The following DIAPH2 variants were observed in gnomAD, a reference collection of about 807,000 sequenced individuals.
DIAPH2 encodes the protein diaphanous related formin 2.
A neutral mutation model predicts 92.7 loss-of-function variants in DIAPH2; 35 were observed. That is an observed-to-expected ratio of 0.38 (90% CI 0.29 to 0.50). DIAPH2 has a LOEUF of 0.50. Among genes scored for constraint, DIAPH2 ranks in the 20% least tolerant of loss-of-function variants. The probability of loss-of-function intolerance (pLI) is 0.94; values close to 1 mark genes in which losing one functional copy is unlikely to be tolerated. For missense variants in DIAPH2, 701 were observed against 819.5 expected, an observed-to-expected ratio of 0.86 and a Z score of 1.77; for synonymous variants, 301 against 280.4, an observed-to-expected ratio of 1.07 and a Z score of -0.73.
Position 96,827,540 on chromosome X carries a change from AT to A in DIAPH2, c.448-54037del, listed in dbSNP as rs2064823564. ...TACTTTTCAAAGGATAGCAAAACCA[AT>A]TGTGTTACAGGGACAAACCTTACTT... On this transcript the variant is annotated intron_variant, in intron 4 of 26. Transcript: ENST00000324765. 2.7e-5 allele frequency among the ~76,000 whole-genome samples: 3 copies of A among 112,115 alleles called. No individual in the cohort carries two copies. The South Asian group carries it at 1.1e-3, about 42-fold the overall frequency.
At chrX:96,720,678 C>T (rs759012011) in intron 1 of DIAPH2, among the ~76,000 whole-genome samples, 11 of 111,568 alleles carry the variant, frequency 9.9e-5, no homozygotes, top group African/African-American at 1.6e-4. Flanking sequence ...CAAATGTTAA[C>T]ATTTGGGCTG....
chrX:96,782,251 ACCACACCCGG>A (rs1285164898), intron 4 of DIAPH2, among the ~76,000 whole-genome samples: 1 of 111,754 alleles, frequency 8.9e-6, no homozygotes, highest in Non-Finnish European at 1.9e-5. Context: ...GGTGCATGCC[ACCACACCCGG>A]CCAATTGTTT....
intron 23 of DIAPH2, among the ~76,000 whole-genome samples, chrX:97,320,342 A>G (rs188527432): frequency 4.5e-4 from 50 of 109,919 alleles, no homozygotes; most frequent in Middle Eastern, 9.3e-3. Flanking sequence ...AAGGATTTCC[A>G]TGAACACAGG....
At chrX:97,074,892 G>T (rs1281912493) in intron 18 of DIAPH2, among the ~76,000 whole-genome samples, 3 of 111,657 alleles carry the variant, frequency 2.7e-5, no homozygotes, top group Non-Finnish European at 5.7e-5. Flanking sequence ...AATCTAAAAG[G>T]CATAAGCATG....
chrX:96,753,303 A>G (rs1376516897), intron 3 of DIAPH2, among the ~76,000 whole-genome samples: 1 of 112,213 alleles, frequency 8.9e-6, no homozygotes, highest in Non-Finnish European at 1.9e-5. Context: ...GATGAAAACA[A>G]AAACAATATG....
At position 97,600,490 on chromosome X, in the gene DIAPH2, T is replaced by C. The variant is rs1038824783; in HGVS notation, c.*1173T>C. 4 of 112,410 alleles carry C rather than the reference T, an allele frequency of 3.6e-5. No individual in the cohort carries two copies. Among genetic ancestry groups the C allele is most frequent in the Non-Finnish European group, 3.8e-5 (2 of 53,199 alleles). The allele number at this position is 112,410 out of a possible 1,213,427, so 9.3% of individuals were successfully genotyped here. On this transcript the variant is annotated 3_prime_UTR_variant, in exon 27 of 27. Transcript: ENST00000324765. Reference sequence around the variant, plus strand: ...AACTAAGTGAACTTCTCAATTATCATCATACTTACTTACCTTATATTAACA... The same window carrying C: ...AACTAAGTGAACTTCTCAATTATCACCATACTTACTTACCTTATATTAACA...
chrX:96,686,021 C>A (rs1363744752), intron 1 of DIAPH2, among the ~76,000 whole-genome samples: 1 of 112,053 alleles, frequency 8.9e-6, no homozygotes, highest in Admixed American at 9.4e-5. Context: ...ACTGGAGTTT[C>A]CTCAGCTCAT....
chrX:97,497,067 T>G (rs895368298), intron 26 of DIAPH2, among the ~76,000 whole-genome samples: 3 of 110,852 alleles, frequency 2.7e-5, no homozygotes, highest in Admixed American at 9.6e-5. Flanking sequence ...CTTAACTGAA[T>G]TCATTCAGAT....
chrX:97,266,286 C>T (rs1170719586), intron 23 of DIAPH2, among the ~76,000 whole-genome samples: 1 of 112,007 alleles, frequency 8.9e-6, no homozygotes. Context: ...AAGAAAGCTT[C>T]GTCCACAACT....
At chrX:96,788,688 T>C (rs188053897) in intron 4 of DIAPH2, among the ~76,000 whole-genome samples, 20 of 112,472 alleles carry the variant, frequency 1.8e-4, no homozygotes, top group African/African-American at 6.5e-4. Context: ...AAGAGGATAA[T>C]TTGTTACTGT....
intron 4 of DIAPH2, among the ~76,000 whole-genome samples, chrX:96,819,346 C>T (rs1425409024): frequency 3.6e-5 from 4 of 112,622 alleles, no homozygotes; most frequent in South Asian, 3.6e-4. Flanking sequence ...TTTTTAATCT[C>T]ATTCTATTCT....
intron 22 of DIAPH2, among the ~76,000 whole-genome samples, chrX:97,239,860 TTCTC>T: frequency 1.4e-5 from 1 of 70,342 alleles, no homozygotes; most frequent in South Asian, 8.3e-4. Flanking sequence ...CTCTCTCTCT[TTCTC>T]TCTCTCTCTT....
chrX:97,358,941 T>G (rs1010484389), intron 24 of DIAPH2, among the ~76,000 whole-genome samples: 45 of 112,104 alleles, frequency 4.0e-4, no homozygotes, highest in Non-Finnish European at 2.6e-4. Flanking sequence ...TATATTTTCT[T>G]GTAAAAAGGC....
chrX:97,321,099 C>G (rs1275392349), intron 23 of DIAPH2, among the ~76,000 whole-genome samples: 1 of 111,316 alleles, frequency 9.0e-6, no homozygotes, highest in Non-Finnish European at 1.9e-5. Context: ...TCTTTAATAG[C>G]TGGAGACGGA....
chrX:97,472,720 G>A (rs771087890), intron 26 of DIAPH2, among the ~76,000 whole-genome samples: 20 of 112,089 alleles, frequency 1.8e-4, no homozygotes, highest in Admixed American at 5.7e-4. Flanking sequence ...TTGCTTGTTT[G>A]TCCTTCTAAC....
rs1340692328 is a variant in DIAPH2 at position 96,972,335 on chromosome X, T to C, written c.2050+7128T>C. ...TAAAACACACTAGTTCTCATATCTA[T>C]AATATTTAAATGTTTAAATATTTAA... On this transcript the variant is annotated intron_variant, in intron 17 of 26. Transcript: ENST00000324765. Among the ~76,000 whole-genome samples the C allele has an allele frequency of 2.7e-5, 3 of 112,162 alleles. 1 individual carries two copies. Among genetic ancestry groups the C allele is most frequent in the Non-Finnish European group, 5.6e-5 (3 of 53,298 alleles).
At chrX:97,194,300 T>G (rs1219426305) in intron 22 of DIAPH2, among the ~76,000 whole-genome samples, 4 of 108,903 alleles carry the variant, frequency 3.7e-5, no homozygotes, top group Admixed American at 9.9e-5. Context: ...TTTTTTTTTT[T>G]TGACGGAGTC....
At chrX:97,347,621 T>C (rs1388405254) in intron 23 of DIAPH2, among the ~76,000 whole-genome samples, 4 of 111,278 alleles carry the variant, frequency 3.6e-5, no homozygotes, top group East Asian at 5.6e-4. Flanking sequence ...TTAAAGATCT[T>C]CAAGTCTCAC....
chrX:96,934,505 A>G (rs2065643865), intron 10 of DIAPH2, among the ~76,000 whole-genome samples: 1 of 110,043 alleles, frequency 9.1e-6, no homozygotes. Context: ...TTAGTATTTC[A>G]GTAATCCTTG....
Sources: gnomAD v4.1 joint callset for allele counts (sites outside exome capture counted in the v4.1 genomes callset) on GRCh38, gnomAD v4.1.1 for gene constraint, MANE v1.5 for transcripts, NCBI Gene and HGNC (gene_info 2026-07-23, HGNC 2026-07-21) for gene names.